Variants in ITPRID1 observed in about 807,000 individuals in gnomAD.
ITPRID1 encodes the protein ITPR interacting domain containing 1.
In ITPRID1, 96 loss-of-function variants were observed where a neutral mutation model predicts 95.4. The ratio of observed to expected loss-of-function variants is 1.01; its 90% confidence interval spans 0.85 to 1.19. ITPRID1 has a LOEUF of 1.19. ITPRID1 is among the 50% of genes most tolerant of loss of function. The probability of loss-of-function intolerance (pLI) is 0.00; values close to 1 mark genes in which losing one functional copy is unlikely to be tolerated. For missense variants in ITPRID1, 1,339 were observed against 1,252.9 expected (o/e 1.07, Z -1.04); for synonymous variants, 510 against 453.6 (o/e 1.12, Z -1.58).
chr7:31,556,515 A>G lies in ITPRID1; in HGVS notation c.256+1614A>G, dbSNP rs368533433. On this transcript the variant is annotated intron_variant, in intron 5 of 14. Coordinates refer to ENST00000615280, the MANE Select transcript of ITPRID1 (RefSeq NM_001257967.3). The stretch of plus-strand genomic sequence containing the variant: ...TGGAGGAATGGAGGCCTGGCCTTCT[A>G]TTAATATCAGCCCCACTGCATGCTG... Among the ~76,000 whole-genome samples the G allele has an allele frequency of 6.6e-5, 10 of 152,142 alleles. No homozygotes were observed. The South Asian group carries it at 2.1e-3, about 32-fold the overall frequency.
intron 1 of ITPRID1, among the ~76,000 whole-genome samples, chr7:31,516,702 C>T (rs1395333129): frequency 6.6e-6 from 1 of 152,204 alleles, no homozygotes; most frequent in African/African-American, 2.4e-5. Context: ...TGTCCATTTG[C>T]ACTTTCTACA....
In ITPRID1 at chr7:31,578,284, A is replaced by T; in HGVS notation, c.1020A>T (p.Ser340=). ...HGLLSKQWPC[S]SMPAKQAPPS... ...TTCTGAGCAAGCAGTGGCCTTGCTC[A>T]TCTATGCCGGCCAAGCAGGCTCCTC... Residue 340 remains serine (S), a synonymous_variant, in exon 9 of 15, where the codon TCA becomes TCT. Coordinates refer to ENST00000615280, the MANE Select transcript of ITPRID1 (RefSeq NM_001257967.3). 6.2e-7 allele frequency: 1 copy of T among 1,613,902 alleles called. No individual in the cohort carries two copies. Among genetic ancestry groups the T allele is most frequent in the Non-Finnish European group, 8.5e-7 (1 of 1,179,848 alleles).
chr7:31,521,446 A>G (rs974532980), intron 1 of ITPRID1, among the ~76,000 whole-genome samples: 6 of 152,146 alleles, frequency 3.9e-5, no homozygotes, highest in Non-Finnish European at 5.9e-5. Flanking sequence ...TGTGATTTCT[A>G]TTCTTGGAAA....
At chr7:31,599,557 C>T (rs1471402277) in intron 10 of ITPRID1, among the ~76,000 whole-genome samples, 1 of 151,864 alleles carries the variant, frequency 6.6e-6, no homozygotes, top group Non-Finnish European at 1.5e-5. Flanking sequence ...TGATCGGTGG[C>T]TATGAAGAAT....
intron 10 of ITPRID1, among the ~76,000 whole-genome samples, chr7:31,591,656 A>G (rs1785868514): frequency 6.6e-6 from 1 of 152,146 alleles, no homozygotes; most frequent in Non-Finnish European, 1.5e-5. Context: ...GTTTTAGTAA[A>G]ACCAACAATG....
chr7:31,631,407 T>C (rs1788982079), intron 10 of ITPRID1, among the ~76,000 whole-genome samples: 1 of 152,234 alleles, frequency 6.6e-6, no homozygotes, highest in Non-Finnish European at 1.5e-5. Context: ...CATATAAATG[T>C]GCACAAACAA....
chr7:31,650,954 AT>A (rs1353210838), intron 12 of ITPRID1, among the ~76,000 whole-genome samples, 187 bp from the exon 13 acceptor site: 1 of 152,136 alleles, frequency 6.6e-6, no homozygotes, highest in Non-Finnish European at 1.5e-5. Flanking sequence ...TCTGTTGCAG[AT>A]GAGCACTGTC....
chr7:31,556,212 G>C (rs973709804), intron 5 of ITPRID1, among the ~76,000 whole-genome samples: 1 of 152,168 alleles, frequency 6.6e-6, no homozygotes, highest in African/African-American at 2.4e-5. Context: ...TAAAGACCTG[G>C]AGGAAAATTG....
chr7:31,529,354 T>C (rs568776133), intron 1 of ITPRID1: 5 of 164,584 alleles, frequency 3.0e-5, no homozygotes, highest in African/African-American at 1.2e-4. Context: ...ACTTCCTCAG[T>C]GAAGTGCATT....
chr7:31,643,842 T>C lies in ITPRID1; in HGVS notation c.2472T>C (p.Pro824=). The C allele has an allele frequency of 6.2e-7, 1 of 1,613,960 alleles. No individual in the cohort carries two copies. The highest frequency in any genetic ancestry group is 8.5e-7 in the Non-Finnish European group (1 of 1,179,894). ...ACGGGGAGAGGCAAAGCCCTGGCCC[T>C]GAACCCTCAGTCTGTAGGCACTGCC... ...HCHGERQSPG[P]EPSVCRHCLC... Residue 824 remains proline (P), a synonymous_variant, in exon 12 of 15, where the codon CCT becomes CCC. Coordinates refer to ENST00000615280, the MANE Select transcript of ITPRID1 (RefSeq NM_001257967.3).
chr7:31,613,865 G>C (rs1462951412), intron 10 of ITPRID1, among the ~76,000 whole-genome samples: 1 of 152,204 alleles, frequency 6.6e-6, no homozygotes, highest in African/African-American at 2.4e-5. Context: ...ATTCTTGCTT[G>C]AATACTATGT....
In ITPRID1 at chr7:31,569,225, T is replaced by C. The variant is rs992546093; in HGVS notation, c.257-533T>C. ...TCTAATTTTAAGGCTGTTGGAAGGA[T>C]TAGATGATACAAATGAAGGGAATAT... On this transcript the variant is annotated intron_variant, in intron 5 of 14. Coordinates refer to ENST00000615280, the MANE Select transcript of ITPRID1 (RefSeq NM_001257967.3). Among the ~76,000 whole-genome samples, 11 of 152,270 alleles carry C rather than the reference T, an allele frequency of 7.2e-5. 1 individual carries two copies. Among genetic ancestry groups the C allele is most frequent in the Admixed American group, 7.2e-4 (11 of 15,298 alleles).
At chr7:31,519,646 A>ATATATATATATATATATATATATATATC (rs1783178854) in intron 1 of ITPRID1, among the ~76,000 whole-genome samples, 1 of 109,444 alleles carries the variant, frequency 9.1e-6, no homozygotes, top group Non-Finnish European at 1.8e-5. Context: ...ATATATATAT[A>ATATATATATATATATATATATATATATC]AATCTTATGT....
rs534185806 is a variant in ITPRID1, at chr7:31,636,480, A to C, written c.1229-5696A>C. On this transcript the variant is annotated intron_variant, in intron 10 of 14. Transcript: ENST00000615280. ...TGGAGAGTCCTTCAGTTTGTTGTACAAGTCTTGCATCAAAACATATAGAAA... is the reference window on the plus strand; with the variant it reads ...TGGAGAGTCCTTCAGTTTGTTGTACCAGTCTTGCATCAAAACATATAGAAA... Among the ~76,000 whole-genome samples the C allele has an allele frequency of 4.0e-4, 61 of 152,326 alleles. 3 individuals are homozygous for C. In the South Asian group the frequency reaches 0.012, roughly 31 times the overall value.
Position 31,643,917 on chromosome 7 carries a change from A to G in ITPRID1, c.2547A>G (p.Lys849=), listed in dbSNP as rs769867445. The change falls in exon 12 of 15, where the codon AAA becomes AAG. Residue 849 remains lysine (K), a synonymous_variant. Transcript: ENST00000615280. ...AAGCCCAGTTCATGACGACTTTGAA[A>G]GCCCTTCAGGACACTACAGTGAGGG... is the stretch of plus-strand genomic sequence containing the variant. ...HQEAQFMTTL[K]ALQDTTVREL... is the part of the protein sequence containing the mutation. 6.2e-7 allele frequency: 1 copy of G among 1,613,686 alleles called. No homozygotes were observed. The highest frequency in any genetic ancestry group is 2.2e-5 in the East Asian group (1 of 44,864).
intron 10 of ITPRID1, among the ~76,000 whole-genome samples, chr7:31,635,487 A>AT (rs753279433): frequency 7.9e-5 from 12 of 152,168 alleles, no homozygotes; most frequent in South Asian, 2.1e-4. Flanking sequence ...CCAATGTCTG[A>AT]TTTTTTATTG....
chr7:31,519,620 C>CTCCATATATATATA, intron 1 of ITPRID1, among the ~76,000 whole-genome samples: 2 of 25,270 alleles, frequency 7.9e-5, no homozygotes, highest in Non-Finnish European at 1.5e-4. Context: ...CTCTCTCTCT[C>CTCCATATATATATA]TATATATATA....
At chr7:31,640,661 A>G (rs1200734040) in intron 10 of ITPRID1, among the ~76,000 whole-genome samples, 4 of 150,088 alleles carry the variant, frequency 2.7e-5, no homozygotes, top group African/African-American at 9.8e-5. Flanking sequence ...TTTTTTCCAC[A>G]TATCTTGTCT....
chr7:31,644,242 A>C (rs756328206), intron 12 of ITPRID1, among the ~76,000 whole-genome samples: 1 of 152,230 alleles, frequency 6.6e-6, no homozygotes, highest in Non-Finnish European at 1.5e-5. Flanking sequence ...CATATGTCTA[A>C]GGTTATAAGC....
Sources: allele counts gnomAD v4.1 joint callset (sites outside exome capture counted in the v4.1 genomes callset), GRCh38; gene constraint gnomAD v4.1.1; transcripts MANE v1.5; gene names NCBI Gene and HGNC (gene_info 2026-07-23, HGNC 2026-07-21).